ACTC1: variants seen among roughly 807,000 people sequenced by gnomAD.
ACTC1 encodes actin alpha cardiac muscle 1.
In ACTC1, 10 loss-of-function variants were observed where a neutral mutation model predicts 31.6. The observed-to-expected ratio is 0.32, with a 90% confidence interval of 0.19 to 0.54. ACTC1 has a LOEUF of 0.54. Among genes scored for constraint, ACTC1 ranks in the 20% least tolerant of loss-of-function variants. The pLI, the probability that ACTC1 is intolerant of heterozygous loss-of-function variation, is 0.95. For missense variants in ACTC1, 129 were observed against 506.4 expected (o/e 0.25, Z 7.15); for synonymous variants, 196 against 185.0 (o/e 1.06, Z -0.48).
At position 34,793,895 on chromosome 15, in the gene ACTC1, CT is replaced by C. The variant is rs1341636532; in HGVS notation, c.130-327del. Reference sequence around the variant, plus strand: ...TTATTAAGCTCATCACCCATGTCAACTGGAATATAGATGACTGCATTTTGGA... The same window carrying C: ...TTATTAAGCTCATCACCCATGTCAACGGAATATAGATGACTGCATTTTGGA... On this transcript the variant is annotated intron_variant, in intron 2 of 6. Transcript: ENST00000290378. This position sits in a 1 kb window ranked among gnomAD's most constrained non-coding sequence, Gnocchi z 4.8. 5.9e-5 allele frequency among the ~76,000 whole-genome samples: 9 copies of C among 152,210 alleles called. No individual in the cohort carries two copies.
At position 34,792,929 on chromosome 15, in the gene ACTC1, A is replaced by G; in HGVS notation, c.454+316T>C. ...TTGACTCAGACCCTGTATGGAATGT[A>G]TTCTCCTTGGGGATGCTTGCCCAGG... On this transcript the variant is annotated intron_variant, in intron 3 of 6. Transcript: ENST00000290378. This position sits in a 1 kb window ranked among gnomAD's most constrained non-coding sequence, Gnocchi z 5.3. The G allele has an allele frequency of 1.9e-6, 1 of 516,000 alleles. No homozygotes were observed. The highest frequency in any genetic ancestry group is 3.5e-6 in the Non-Finnish European group (1 of 286,004). 32.0% of individuals were successfully genotyped at this position (516,000 alleles called of 1,614,324 possible). A position where few individuals can be genotyped will look rare whatever the true frequency, so the allele number is the denominator to read the frequency against.
At chr15:34,790,886 G>A (rs1042621993) in intron 6 of ACTC1, among the ~76,000 whole-genome samples, 1 of 152,112 alleles carries the variant, frequency 6.6e-6, no homozygotes, top group Non-Finnish European at 1.5e-5. Flanking sequence ...GCGTGTGTGT[G>A]TGTCTTTTTT....
Position 34,793,851 on chromosome 15 carries a change from A to G in ACTC1, c.130-282T>C, listed in dbSNP as rs1891758315. On this transcript the variant is annotated intron_variant, in intron 2 of 6. Coordinates refer to ENST00000290378, the MANE Select transcript of ACTC1 (RefSeq NM_005159.5). The surrounding 1 kb of genome is among the most constrained non-coding windows in gnomAD (Gnocchi z 4.8). ...CAGAGCCTCACCTCACCTTAAAAAT[A>G]TCATATGCCTTCATTAAGTTATTAA... is the stretch of plus-strand genomic sequence containing the variant. Among the ~76,000 whole-genome samples, 1 of 152,236 alleles carries G rather than the reference A, an allele frequency of 6.6e-6. No homozygotes were observed. The highest frequency in any genetic ancestry group is 1.5e-5 in the Non-Finnish European group (1 of 68,036).
At chr15:34,790,983 TG>T in intron 6 of ACTC1, 130 bp downstream of exon 6, 1 of 867,354 alleles carries the variant, frequency 1.2e-6, no homozygotes, top group Non-Finnish European at 1.7e-6. Flanking sequence ...TCAGAAAAAG[TG>T]GTAGAAAAGC....
Position 34,791,836 on chromosome 15 carries a change from C to T in ACTC1, c.808+254G>A, listed in dbSNP as rs182840803. The T allele has an allele frequency of 3.7e-4, 186 of 503,086 alleles. 1 individual carries two copies. Among genetic ancestry groups the T allele is most frequent in the Middle Eastern group, 5.7e-4 (1 of 1,748 alleles). The allele number at this position is 503,086 out of a possible 1,614,324, so 31.2% of individuals were successfully genotyped here. On this transcript the variant is annotated intron_variant, in intron 5 of 6. Transcript: ENST00000290378. ...TGAACTAGCCCTTTTCCTGCAGATA[C>T]GTGCTATTCAGTTACTACTCTGTGT... is the stretch of plus-strand genomic sequence containing the variant.
chr15:34,795,195 C>A (rs1475697260), intron 1 of ACTC1, among the ~76,000 whole-genome samples: 1 of 152,076 alleles, frequency 6.6e-6, no homozygotes, highest in Non-Finnish European at 1.5e-5. Flanking sequence ...TATCGCCATG[C>A]CTGTGCCCCA....
chr15:34,793,714 G>C lies in ACTC1; in HGVS notation c.130-145C>G. ...AGCAATACGATTTTACCCCAATTTAGAAGAATTATTTAAAAATCAATCTTC... is the reference window on the plus strand; with the variant it reads ...AGCAATACGATTTTACCCCAATTTACAAGAATTATTTAAAAATCAATCTTC... On this transcript the variant is annotated intron_variant, in intron 2 of 6. Transcript: ENST00000290378. This position sits in a 1 kb window ranked among gnomAD's most constrained non-coding sequence, Gnocchi z 4.8. 1 of 764,192 alleles carries C rather than the reference G, an allele frequency of 1.3e-6. No homozygotes were observed. The highest frequency in any genetic ancestry group is 2.7e-5 in the East Asian group (1 of 37,340). 47.3% of individuals were successfully genotyped at this position (764,192 alleles called of 1,614,324 possible). A position where few individuals can be genotyped will look rare whatever the true frequency, so the allele number is the denominator to read the frequency against.
Position 34,793,194 on chromosome 15 carries a change from G to C in ACTC1, c.454+51C>G. ...GGGGGATCTGATTCACAGCAAGGTC[G>C]GTGACTTGGGAATGTGATTCATCAG... On this transcript the variant is annotated intron_variant, in intron 3 of 6. Coordinates refer to ENST00000290378, the MANE Select transcript of ACTC1 (RefSeq NM_005159.5). The surrounding 1 kb of genome is among the most constrained non-coding windows in gnomAD (Gnocchi z 4.8). The C allele has an allele frequency of 6.4e-7, 1 of 1,570,512 alleles. No homozygotes were observed. Among genetic ancestry groups the C allele is most frequent in the Non-Finnish European group, 8.8e-7 (1 of 1,141,350 alleles).
chr15:34,791,839 G>A (rs1051498396), intron 5 of ACTC1: 5 of 517,682 alleles, frequency 9.7e-6, no homozygotes, highest in Non-Finnish European at 1.7e-5. Context: ...GCAGATACGT[G>A]CTATTCAGTT....
At chr15:34,794,606 A>G (rs1891776362) in intron 2 of ACTC1, 74 bp downstream of exon 2, 5 of 1,539,928 alleles carry the variant, frequency 3.2e-6, no homozygotes, top group Admixed American at 3.9e-5. Context: ...CAAGAGGGTC[A>G]GGTGAGAGCC....
rs1283028659 is a variant in ACTC1, at chr15:34,791,308, CACACACACACACACACA to C, written c.809-30_809-14del. Reference sequence around the variant, plus strand: ...GCAGATTCCATACCTGGGAACGAGTCACACACACACACACACACACACACACACACACACACACACAC... The same window carrying C: ...GCAGATTCCATACCTGGGAACGAGTCCACACACACACACACACACACACAC... On this transcript the variant is annotated splice_polypyrimidine_tract_variant and intron_variant, in intron 5 of 6. Coordinates refer to ENST00000290378, the MANE Select transcript of ACTC1 (RefSeq NM_005159.5). 1 of 177,528 alleles carries C rather than the reference CACACACACACACACACA, an allele frequency of 5.6e-6. No individual in the cohort carries two copies. Among genetic ancestry groups the C allele is most frequent in the African/African-American group, 1.5e-4 (1 of 6,532 alleles). The allele number at this position is 177,528 out of a possible 1,614,324, so 11.0% of individuals were successfully genotyped here.
chr15:34,793,651 C>T lies in ACTC1; in HGVS notation c.130-82G>A. 1 of 1,286,662 alleles carries T rather than the reference C, an allele frequency of 7.8e-7. No individual in the cohort carries two copies. The highest frequency in any genetic ancestry group is 1.1e-6 in the Non-Finnish European group (1 of 896,956). 79.7% of individuals were successfully genotyped at this position (1,286,662 alleles called of 1,614,324 possible). A position where few individuals can be genotyped will look rare whatever the true frequency, so the allele number is the denominator to read the frequency against. On this transcript the variant is annotated intron_variant, in intron 2 of 6. Transcript: ENST00000290378. This position sits in a 1 kb window ranked among gnomAD's most constrained non-coding sequence, Gnocchi z 4.8. ...TGTCTTGTCCATTTATATCTAACTG[C>T]CCAAGTCAAGGAACATATTTAAATA...
rs1891726566 is a variant in ACTC1 at position 34,792,570 on chromosome 15, C to T, written c.455-1G>A. On this transcript the variant is annotated splice_acceptor_variant, in intron 3 of 6. Coordinates refer to ENST00000290378, the MANE Select transcript of ACTC1 (RefSeq NM_005159.5). LOFTEE classifies it high-confidence loss of function. This position sits in a 1 kb window ranked among gnomAD's most constrained non-coding sequence, Gnocchi z 5.3. Reference sequence around the variant, plus strand: ...CCATCCCCAGAGTCCAGAACAATGCCTGCCCGGGGAAGTAGACAAGAACAA... The same window carrying T: ...CCATCCCCAGAGTCCAGAACAATGCTTGCCCGGGGAAGTAGACAAGAACAA... The T allele has an allele frequency of 6.2e-7, 1 of 1,614,044 alleles. No individual in the cohort carries two copies. Among genetic ancestry groups the T allele is most frequent in the Non-Finnish European group, 8.5e-7 (1 of 1,180,040 alleles).
chr15:34,792,539 G>A lies in ACTC1; in HGVS notation c.485C>T (p.Thr162Ile), dbSNP rs1379875828. 6.2e-7 allele frequency: 1 copy of A among 1,614,154 alleles called. No homozygotes were observed. Among genetic ancestry groups the A allele is most frequent in the Non-Finnish European group, 8.5e-7 (1 of 1,180,034 alleles). The stretch of plus-strand genomic sequence containing the variant: ...GCCCTCATAGATGGGGACATTGTGA[G>A]TTACACCATCCCCAGAGTCCAGAAC... ...GIVLDSGDGV[T>I]HNVPIYEGYA... The change falls in exon 4 of 7, where the codon ACT becomes ATT. Residue 162 changes from threonine (T) to isoleucine (I), a missense_variant. Thr to Ile is a moderately conservative substitution (Grantham distance 89). Coordinates refer to ENST00000290378, the MANE Select transcript of ACTC1 (RefSeq NM_005159.5). The surrounding 1 kb of genome is among the most constrained non-coding windows in gnomAD (Gnocchi z 5.3).
chr15:34,794,666 G>T lies in ACTC1; in HGVS notation c.129+14C>A. 2.5e-6 allele frequency: 4 copies of T among 1,610,130 alleles called. No individual in the cohort carries two copies. The highest frequency in any genetic ancestry group is 3.4e-6 in the Non-Finnish European group (4 of 1,177,968). On this transcript the variant is annotated intron_variant, in intron 2 of 6. Coordinates refer to ENST00000290378, the MANE Select transcript of ACTC1 (RefSeq NM_005159.5). ...GGGTCCCGAGTGGGACGGGGGGCTCGGCGGGAAGTTTACCTGGTGCCGCGG... is the reference window on the plus strand; with the variant it reads ...GGGTCCCGAGTGGGACGGGGGGCTCTGCGGGAAGTTTACCTGGTGCCGCGG...
In ACTC1 at chr15:34,794,800, G is replaced by A. The variant is rs535623090; in HGVS notation, c.9C>T (p.Asp3=). Residue 3 remains aspartate, a synonymous_variant, in exon 2 of 7, where the codon GAC becomes GAT. Coordinates refer to ENST00000290378, the MANE Select transcript of ACTC1 (RefSeq NM_005159.5). The stretch of plus-strand genomic sequence containing the variant: ...ACACCAGGGCGGTGGTCTCCTCGTC[G>A]TCACACATCTTGGCACAGCTTCAGG... MC[D]DEETTALVCD... is the part of the protein sequence containing the mutation. The A allele has an allele frequency of 6.2e-7, 1 of 1,613,374 alleles. No homozygotes were observed. The highest frequency in any genetic ancestry group is 2.2e-5 in the East Asian group (1 of 44,836).
In ACTC1 at chr15:34,792,393, G is replaced by GAC. The variant is rs749539033; in HGVS notation, c.616+13_616+14dup. On this transcript the variant is annotated intron_variant, in intron 4 of 6. Coordinates refer to ENST00000290378, the MANE Select transcript of ACTC1 (RefSeq NM_005159.5). The surrounding 1 kb of genome is among the most constrained non-coding windows in gnomAD (Gnocchi z 5.3). The stretch of plus-strand genomic sequence containing the variant: ...AGCAGACCCACACTGTGGCAGATGA[G>GAC]ACACACACACTCACCAGTGGTGACA... 3 of 1,614,186 alleles carry GAC rather than the reference G, an allele frequency of 1.9e-6. No individual in the cohort carries two copies. Among genetic ancestry groups the GAC allele is most frequent in the East Asian group, 2.2e-5 (1 of 44,884 alleles).
At chr15:34,794,552 A>G (rs1454266389) in intron 2 of ACTC1, 128 bp downstream of exon 2, 4 of 1,340,884 alleles carry the variant, frequency 3.0e-6, no homozygotes, top group East Asian at 2.6e-5. Flanking sequence ...TTGGATTTGA[A>G]GTCAATCAGC....
chr15:34,791,332 C>G (rs1566967166), intron 5 of ACTC1, 37 bp from the exon 6 acceptor site: 13 of 1,568,564 alleles, frequency 8.3e-6, no homozygotes, highest in Non-Finnish European at 1.1e-5. Context: ...CACACACACA[C>G]ACACACACAC....
Sources: allele counts gnomAD v4.1 joint callset (sites outside exome capture counted in the v4.1 genomes callset), GRCh38; gene constraint gnomAD v4.1.1; non-coding constraint Gnocchi (gnomAD v3.1); transcripts MANE v1.5; gene names NCBI Gene and HGNC (gene_info 2026-07-23, HGNC 2026-07-21).